MTOR: variants seen among roughly 807,000 people sequenced by gnomAD.
MTOR encodes serine/threonine-protein kinase mTOR.
In MTOR, 70 loss-of-function variants were observed where a neutral mutation model predicts 319.8. The ratio of observed to expected loss-of-function variants is 0.22; its 90% confidence interval spans 0.18 to 0.27. The LOEUF is 0.27. Among genes scored for constraint, MTOR ranks in the 10% least tolerant of loss-of-function variants. The pLI is 1.00. For synonymous variants in MTOR, 1,183 were observed against 1,211.4 expected, an observed-to-expected ratio of 0.98 and a Z score of 0.49; for missense variants, 1,890 against 3,274.4, an observed-to-expected ratio of 0.58 and a Z score of 10.32.
intron 26 of MTOR, among the ~76,000 whole-genome samples, chr1:11,204,013 C>T (rs188017800): frequency 9.2e-4 from 140 of 152,322 alleles, no homozygotes; most frequent in African/African-American, 3.2e-3. Context: ...GGAACCAAGG[C>T]CCCCAGCCAG....
chr1:11,107,494 A>G lies in MTOR; in HGVS notation c.7641T>C (p.Pro2547=). The G allele has an allele frequency of 6.2e-7, 1 of 1,613,488 alleles. No homozygotes were observed. The highest frequency in any genetic ancestry group is 1.1e-5 in the South Asian group (1 of 90,888). ...NLCQCYIGWC[P]FW ...ACATCTGGGCCTCCAGTTACCAGAA[A>G]GGGCACCTAAGAAGGCAGAAAGAAA... The change falls in exon 58 of 58, where the codon CCT becomes CCC. Residue 2547 remains proline, a synonymous_variant. Transcript: ENST00000361445.
At position 11,234,175 on chromosome 1, in the gene MTOR, G is replaced by A. The variant is rs752957177; in HGVS notation, c.2299C>T (p.Leu767Phe). The change falls in exon 14 of 58, where the codon CTC (leucine) becomes TTC (phenylalanine). Residue 767 changes from leucine (L) to phenylalanine (F), a missense_variant. Leu to Phe is a conservative substitution (Grantham distance 22, BLOSUM62 0). This residue lies in a region of MTOR where 377 missense variants were observed against 653.9 expected (regional missense o/e 0.58). Transcript: ENST00000361445. ...ATAGGCTCCATGTAGGGGCGGATGAGTCGGGGGGCATTGGAGACCAGGTGC... is the reference window on the plus strand; with the variant it reads ...ATAGGCTCCATGTAGGGGCGGATGAATCGGGGGGCATTGGAGACCAGGTGC... ...LGHLVSNAPRLIRPYMEPILK... is the reference protein window; with the variant it reads ...LGHLVSNAPRFIRPYMEPILK... 1 of 1,614,194 alleles carries A rather than the reference G, an allele frequency of 6.2e-7. No individual in the cohort carries two copies. The highest frequency in any genetic ancestry group is 8.5e-7 in the Non-Finnish European group (1 of 1,180,034).
chr1:11,125,178 G>T (rs1441286583), intron 46 of MTOR, among the ~76,000 whole-genome samples: 8 of 152,148 alleles, frequency 5.3e-5, no homozygotes, highest in Admixed American at 5.2e-4. Context: ...TCTGGAGTGT[G>T]GGGGTGGGTG....
chr1:11,149,630 AG>A (rs1204874673), intron 31 of MTOR: 3 of 153,132 alleles, frequency 2.0e-5, no homozygotes, highest in African/African-American at 7.2e-5. Context: ...CCTGATTTAC[AG>A]CTGGTCAGTG....
chr1:11,165,068 CAATAAATTAG>C (rs1644599627), intron 29 of MTOR, among the ~76,000 whole-genome samples: 1 of 152,174 alleles, frequency 6.6e-6, no homozygotes, highest in South Asian at 2.1e-4. Context: ...TAAAAACTCT[CAATAAATTAG>C]GTATTGATGG....
rs1180780418 is a variant in MTOR at position 11,212,141 on chromosome 1, T to G, written c.3561+171A>C. 1.3e-5 allele frequency among the ~76,000 whole-genome samples: 2 copies of G among 152,134 alleles called. 1 individual carries two copies. Among genetic ancestry groups the G allele is most frequent in the Non-Finnish European group, 2.9e-5 (2 of 68,020 alleles). ...TGTTACCCCCAGAACGGCACTTAGC[T>G]CACATAGGTTGCTCAATAAATGTTT... On this transcript the variant is annotated intron_variant, in intron 23 of 57. Coordinates refer to ENST00000361445, the MANE Select transcript of MTOR (RefSeq NM_004958.4). This position sits in a 1 kb window ranked among gnomAD's most constrained non-coding sequence, Gnocchi z 4.1.
intron 13 of MTOR, among the ~76,000 whole-genome samples, chr1:11,236,675 T>G (rs1028659220): frequency 7.1e-6 from 1 of 140,986 alleles, no homozygotes; most frequent in Non-Finnish European, 1.6e-5. Context: ...TGCCTGGCTA[T>G]TTTTTTTTTA....
rs1194976356 is a variant in MTOR, at chr1:11,256,267, T to C, written c.505-75A>G. ...CTCTCAGGAGTACAGTCTCTTGTCA[T>C]CTTAGAGCCATACACACCAGGAACA... is the stretch of plus-strand genomic sequence containing the variant. On this transcript the variant is annotated intron_variant, in intron 4 of 57. Transcript: ENST00000361445. The C allele has an allele frequency of 5.9e-6, 9 of 1,534,864 alleles. No individual in the cohort carries two copies. The Admixed American group carries it at 1.8e-4, about 31-fold the overall frequency.
rs1042299946 is a variant in MTOR, at chr1:11,116,579, G to T, written c.7016+425C>A. ...CCCACCTCAGCCTCCCAAAGTGCTG[G>T]AATTATAGGCATGAGCCAATGAGCC... On this transcript the variant is annotated intron_variant, in intron 50 of 57. Coordinates refer to ENST00000361445, the MANE Select transcript of MTOR (RefSeq NM_004958.4). Among the ~76,000 whole-genome samples, 7 of 152,176 alleles carry T rather than the reference G, an allele frequency of 4.6e-5. No individual in the cohort carries two copies. In the South Asian group the frequency reaches 8.3e-4, roughly 18 times the overall value.
At chr1:11,253,067 A>G (rs1048404778) in intron 6 of MTOR, among the ~76,000 whole-genome samples, 1 of 152,202 alleles carries the variant, frequency 6.6e-6, no homozygotes, top group African/African-American at 2.4e-5. Context: ...CTGACAGCCA[A>G]CTTTGGCTTG....
At chr1:11,248,790 C>T (rs957955506) in intron 6 of MTOR, among the ~76,000 whole-genome samples, 5 of 151,892 alleles carry the variant, frequency 3.3e-5, no homozygotes, top group Non-Finnish European at 7.4e-5. Flanking sequence ...CTAGCCTGGG[C>T]GACAAGAGGG....
At position 11,106,660 on chromosome 1, in the gene MTOR, A is replaced by G. The variant is rs916493991; in HGVS notation, c.*825T>C. 3.6e-6 allele frequency: 4 copies of G among 1,107,006 alleles called. No individual in the cohort carries two copies. In the East Asian group the frequency reaches 1.3e-4, roughly 37 times the overall value. 68.6% of individuals were successfully genotyped at this position (1,107,006 alleles called of 1,614,324 possible). A position where few individuals can be genotyped will look rare whatever the true frequency, so the allele number is the denominator to read the frequency against. On this transcript the variant is annotated 3_prime_UTR_variant, in exon 58 of 58. Coordinates refer to ENST00000361445, the MANE Select transcript of MTOR (RefSeq NM_004958.4). ...GTATTTGTTCTGCTCATAATTTCCA[A>G]TATGTACCAGACCTTCCCTGTGTTC...
rs780525648 is a variant in MTOR at position 11,247,830 on chromosome 1, T to C, written c.1105A>G (p.Lys369Glu). 3.7e-6 allele frequency: 6 copies of C among 1,612,898 alleles called. No homozygotes were observed. The South Asian group carries it at 6.6e-5, about 18-fold the overall frequency. Reference sequence around the variant, plus strand: ...CTCTCACCACTTACCTGATCAAATTTCTCCTCCATCAAGTCTCTGCAACAC... The same window carrying C: ...CTCTCACCACTTACCTGATCAAATTCCTCCTCCATCAAGTCTCTGCAACAC... The part of the protein sequence containing the change: ...SRCCRDLMEE[K>E]FDQVCQWVLK... The change falls in exon 7 of 58, where the codon AAA (lysine) becomes GAA (glutamate). Residue 369 changes from lysine (K) to glutamate (E), a missense_variant. This residue lies in a region of MTOR where 418 missense variants were observed against 543.1 expected (regional missense o/e 0.77). Coordinates refer to ENST00000361445, the MANE Select transcript of MTOR (RefSeq NM_004958.4).
At chr1:11,112,997 A>T (rs1641974771) in intron 53 of MTOR, 80 bp from the exon 54 acceptor site, 2 of 1,431,012 alleles carry the variant, frequency 1.4e-6, no homozygotes, top group Non-Finnish European at 2.0e-6. Flanking sequence ...TTCCAGTCAT[A>T]AAAATATAAT....
chr1:11,228,633 G>T (rs1194918418), intron 19 of MTOR, 35 bp downstream of exon 19: 1 of 1,605,612 alleles, frequency 6.2e-7, no homozygotes, highest in African/African-American at 1.3e-5. Context: ...GTGGTGCAGA[G>T]GAGAAAGAGA....
intron 5 of MTOR, among the ~76,000 whole-genome samples, chr1:11,255,064 T>C (rs1650182562): frequency 6.6e-6 from 1 of 152,142 alleles, no homozygotes; most frequent in African/African-American, 2.4e-5. Context: ...AGCTGAGATG[T>C]CTTATAATTA....
intron 13 of MTOR, among the ~76,000 whole-genome samples, chr1:11,234,790 G>A (rs1647140792): frequency 6.6e-6 from 1 of 152,070 alleles, no homozygotes; most frequent in African/African-American, 2.4e-5. Flanking sequence ...CAATAGGTGG[G>A]GATCACACTG....
In MTOR at chr1:11,126,672, G is replaced by A. The variant is rs2100396343; in HGVS notation, c.6476C>T (p.Ser2159Phe). The A allele has an allele frequency of 6.2e-7, 1 of 1,614,024 alleles. No homozygotes were observed. Among genetic ancestry groups the A allele is most frequent in the Non-Finnish European group, 8.5e-7 (1 of 1,180,024 alleles). Residue 2159 changes from serine (S) to phenylalanine (F), a missense_variant, in exon 46 of 58, where the codon TCT (serine) becomes TTT (phenylalanine). Coordinates refer to ENST00000361445, the MANE Select transcript of MTOR (RefSeq NM_004958.4). Reference protein sequence around the residue: ...PIIRIQSIAPSLQVITSKQRP... With the variant: ...PIIRIQSIAPFLQVITSKQRP... The stretch of plus-strand genomic sequence containing the variant: ...CTGCTTGGATGTGATGACTTGCAAA[G>A]ACGGTGCTATGGACTGAATGCGAAT...
rs569364222 is a variant in MTOR, at chr1:11,177,599, T to C, written c.4254-10082A>G. ...GATTCCTGATGTCTCAGGCTCAGAG[T>C]GGCCTAAAAATAAAAAGAATTCTTA... On this transcript the variant is annotated intron_variant, in intron 28 of 57. Coordinates refer to ENST00000361445, the MANE Select transcript of MTOR (RefSeq NM_004958.4). 5.7e-4 allele frequency among the ~76,000 whole-genome samples: 86 copies of C among 151,966 alleles called. 1 individual carries two copies. The highest frequency in any genetic ancestry group is 2.0e-3 in the African/African-American group (83 of 41,442).
Sources: gnomAD v4.1 joint callset for allele counts (sites outside exome capture counted in the v4.1 genomes callset) on GRCh38, gnomAD v4.1.1 for gene constraint, gnomAD v4.1.1 regional missense constraint, Gnocchi (gnomAD v3.1) non-coding constraint, MANE v1.5 for transcripts, NCBI Gene and HGNC (gene_info 2026-07-23, HGNC 2026-07-21) for gene names.